Variants in PHACTR2 observed in about 807,000 individuals in gnomAD.
The protein encoded by PHACTR2 is phosphatase and actin regulator 2, also known as chromosome 6 open reading frame 56.
In PHACTR2, 30 loss-of-function variants were observed where a neutral mutation model predicts 76.0. The ratio of observed to expected loss-of-function variants is 0.39; its 90% CI spans 0.30 to 0.54. The LOEUF is 0.54. Among genes scored for constraint, PHACTR2 ranks in the 20% least tolerant of loss-of-function variants. The pLI, the probability that PHACTR2 is intolerant of heterozygous loss-of-function variation, is 0.61. For missense variants in PHACTR2, 696 were observed against 781.1 expected (o/e 0.89, Z 1.30); for synonymous variants, 292 against 292.5 (o/e 1.00, Z 0.02).
chr6:143,798,373 A>G (rs1445774976), intron 11 of PHACTR2, among the ~76,000 whole-genome samples: 1 of 152,156 alleles, frequency 6.6e-6, no homozygotes, highest in Non-Finnish European at 1.5e-5. Context: ...CTCTCTTCCT[A>G]TTTGAATACC....
In PHACTR2 at chr6:143,757,819, C is replaced by T. The variant is rs1364370742; in HGVS notation, c.455-2582C>T. Among the ~76,000 whole-genome samples the T allele has an allele frequency of 6.6e-6, 1 of 152,184 alleles. No individual in the cohort carries two copies. Among genetic ancestry groups the T allele is most frequent in the African/African-American group, 2.4e-5 (1 of 41,436 alleles). On this transcript the variant is annotated intron_variant, in intron 4 of 12. Coordinates refer to ENST00000440869, the MANE Select transcript of PHACTR2 (RefSeq NM_001100164.2). This position sits in a 1 kb window ranked among gnomAD's most constrained non-coding sequence, Gnocchi z 4.2. ...TCAATAACTATTAGACAGTCAGTCC[C>T]ATTCGTTGAATAGACATAGTGTTTA...
At chr6:143,712,314 TAAGA>T in intron 2 of PHACTR2, 131 bp downstream of exon 2, 1 of 544,784 alleles carries the variant, frequency 1.8e-6, no homozygotes, top group Non-Finnish European at 2.9e-6. Flanking sequence ...TTCTTTATTT[TAAGA>T]ATAAAATAAG....
At chr6:143,675,108 A>G (rs946801226), upstream of PHACTR2, among the ~76,000 whole-genome samples, 1 of 152,214 alleles carries the variant, frequency 6.6e-6, no homozygotes, top group Non-Finnish European at 1.5e-5. This position sits in a 1 kb window ranked among gnomAD's most constrained non-coding sequence, Gnocchi z 4.9. Flanking sequence ...AAAACCTGAT[A>G]AGTACAACTT....
At chr6:143,560,745 C>T (rs1003854830) in intron 1 of PHACTR2, among the ~76,000 whole-genome samples, 10 of 152,110 alleles carry the variant, frequency 6.6e-5, no homozygotes, top group African/African-American at 2.4e-4. Flanking sequence ...CCAGTAGGTG[C>T]TCGCTGGGGA....
Position 143,823,798 on chromosome 6 carries a change from C to T in PHACTR2, c.*109C>T. 2 of 948,280 alleles carry T rather than the reference C, an allele frequency of 2.1e-6. No homozygotes were observed. Among genetic ancestry groups the T allele is most frequent in the Non-Finnish European group, 3.4e-6 (2 of 584,038 alleles). The allele number at this position is 948,280 out of a possible 1,614,324, so 58.7% of individuals were successfully genotyped here. A position where few individuals can be genotyped will look rare whatever the true frequency, so the allele number is the denominator to read the frequency against. The stretch of plus-strand genomic sequence containing the variant: ...TTTGAATGTGTGTGTTTCCGTTTAA[C>T]TTGTGGTGAAGGAAGTGTGTGACTC... On this transcript the variant is annotated 3_prime_UTR_variant, in exon 13 of 13. Transcript: ENST00000440869. The surrounding 1 kb of genome is among the most constrained non-coding windows in gnomAD (Gnocchi z 5.7).
intron 11 of PHACTR2, among the ~76,000 whole-genome samples, chr6:143,804,489 C>G (rs1467996856): frequency 1.3e-5 from 2 of 152,206 alleles, no homozygotes; most frequent in African/African-American, 4.8e-5. Context: ...GAGAGACAGA[C>G]TTCACCTCTT....
In PHACTR2 at chr6:143,782,120, T is replaced by C. The variant is rs1775445038; in HGVS notation, c.1646-1099T>C. 6.6e-6 allele frequency among the ~76,000 whole-genome samples: 1 copy of C among 152,164 alleles called. No individual in the cohort carries two copies. Among genetic ancestry groups the C allele is most frequent in the South Asian group, 2.1e-4 (1 of 4,832 alleles). On this transcript the variant is annotated intron_variant, in intron 9 of 12. Transcript: ENST00000440869. This position sits in a 1 kb window ranked among gnomAD's most constrained non-coding sequence, Gnocchi z 4.6. ...AAATAAATATATTTCATACCTGTCA[T>C]GGATTAAAAAAATTTTTTTTAATTG...
In PHACTR2 at chr6:143,539,975, G is replaced by A. The variant is rs1044900111; in HGVS notation, c.217+2768G>A. On this transcript the variant is annotated intron_variant, in intron 1 of 11. Coordinates refer to the PHACTR2 transcript ENST00000367584. This position sits in a 1 kb window ranked among gnomAD's most constrained non-coding sequence, Gnocchi z 4.3. ...GGCCATTAGATGACGCTAATGAGTA[G>A]CGAAGTTTGAGAACTGCTGTCCTGT... Among the ~76,000 whole-genome samples, 1 of 152,194 alleles carries A rather than the reference G, an allele frequency of 6.6e-6. No individual in the cohort carries two copies. The highest frequency in any genetic ancestry group is 1.5e-5 in the Non-Finnish European group (1 of 68,030).
rs1777481482 is a variant in PHACTR2 at position 143,684,941 on chromosome 6, T to C, written c.46+6732T>C. Among the ~76,000 whole-genome samples, 1 of 152,234 alleles carries C rather than the reference T, an allele frequency of 6.6e-6. No individual in the cohort carries two copies. Among genetic ancestry groups the C allele is most frequent in the Admixed American group, 6.5e-5 (1 of 15,282 alleles). On this transcript the variant is annotated intron_variant, in intron 1 of 12. Transcript: ENST00000440869. The surrounding 1 kb of genome is among the most constrained non-coding windows in gnomAD (Gnocchi z 4.3). ...GTGATGTAGGACATTTATATTTCTT[T>C]TTCTTTGAATTGCCTATTTATAGAC...
At chr6:143,552,043 C>T (rs138649608) in intron 1 of PHACTR2, among the ~76,000 whole-genome samples, 1 of 152,290 alleles carries the variant, frequency 6.6e-6, no homozygotes, top group East Asian at 1.9e-4. Context: ...AGACTGTCTC[C>T]CTCTCTTCGA....
Position 143,753,445 on chromosome 6 carries a change from T to G in PHACTR2, c.296-309T>G, listed in dbSNP as rs757288671. Among the ~76,000 whole-genome samples, 6 of 152,178 alleles carry G rather than the reference T, an allele frequency of 3.9e-5. No homozygotes were observed. The highest frequency in any genetic ancestry group is 9.7e-5 in the African/African-American group (4 of 41,426). On this transcript the variant is annotated intron_variant, in intron 3 of 12. Transcript: ENST00000440869. The surrounding 1 kb of genome is among the most constrained non-coding windows in gnomAD (Gnocchi z 4.6). ...TGTTTCTGAATGACAAAGAAACACA[T>G]AACTATTGACTTCAGACAAACCTAA...
At chr6:143,620,247 C>T (rs1216766005) in intron 1 of PHACTR2, among the ~76,000 whole-genome samples, 1 of 152,130 alleles carries the variant, frequency 6.6e-6, no homozygotes, top group Non-Finnish European at 1.5e-5. Context: ...CCTAATGCTC[C>T]ATAAACAAAG....
In PHACTR2 at chr6:143,664,914, T is replaced by G. The variant is rs1223230307; in HGVS notation, c.14-47102T>G. Among the ~76,000 whole-genome samples the G allele has an allele frequency of 6.6e-6, 1 of 152,160 alleles. No homozygotes were observed. Among genetic ancestry groups the G allele is most frequent in the Non-Finnish European group, 1.5e-5 (1 of 68,018 alleles). ...CCCTGGTTCAAGTGATTCCCCTGAC[T>G]CGGCCTCCCAAGTAGCTGGCATTAC... On this transcript the variant is annotated intron_variant, in intron 1 of 11. Coordinates refer to the PHACTR2 transcript ENST00000305766. The surrounding 1 kb of genome is among the most constrained non-coding windows in gnomAD (Gnocchi z 5.1).
At position 143,598,650 on chromosome 6, in the gene PHACTR2, C is replaced by G. The variant is rs371189334; in HGVS notation, c.217+61443C>G. Among the ~76,000 whole-genome samples the G allele has an allele frequency of 6.6e-6, 1 of 152,320 alleles. No homozygotes were observed. The highest frequency in any genetic ancestry group is 1.9e-4 in the East Asian group (1 of 5,190). Reference sequence around the variant, plus strand: ...CTCTAAGAACAACCACATGGCTTCCCCTTCCTGGCCTATGTCCCTGTGGAT... The same window carrying G: ...CTCTAAGAACAACCACATGGCTTCCGCTTCCTGGCCTATGTCCCTGTGGAT... On this transcript the variant is annotated intron_variant, in intron 1 of 11. Coordinates refer to the PHACTR2 transcript ENST00000367584. This position sits in a 1 kb window ranked among gnomAD's most constrained non-coding sequence, Gnocchi z 4.1.
At chr6:143,628,924 G>GATATAT (rs71024862) in intron 1 of PHACTR2, among the ~76,000 whole-genome samples, 41 of 34,010 alleles carry the variant, frequency 1.2e-3, no homozygotes, top group Admixed American at 1.7e-3. Context: ...AAATGCAGGA[G>GATATAT]ATATATATAT....
At chr6:143,788,471 C>T (rs926741051) in intron 10 of PHACTR2, among the ~76,000 whole-genome samples, 1 of 152,138 alleles carries the variant, frequency 6.6e-6, no homozygotes, top group African/African-American at 2.4e-5. Context: ...ATGTTCCTTG[C>T]GTCAGGGATG....
chr6:143,796,372 CTTTTT>C (rs1775820133), intron 11 of PHACTR2, among the ~76,000 whole-genome samples: 1 of 139,062 alleles, frequency 7.2e-6, no homozygotes, highest in Non-Finnish European at 1.6e-5. Context: ...TCTGCATTTT[CTTTTT>C]CTTTTCTTTC....
rs745838908 is a variant in PHACTR2, at chr6:143,828,173, G to GAATAA, written c.*4499_*4503dup. The GAATAA allele has an allele frequency of 5.3e-5, 8 of 151,842 alleles. No individual in the cohort carries two copies. Among genetic ancestry groups the GAATAA allele is most frequent in the Non-Finnish European group, 7.4e-5 (5 of 67,992 alleles). The allele number at this position is 151,842 out of a possible 1,614,324, so 9.4% of individuals were successfully genotyped here. ...TCAAAATAATAATAATAGTAATAAT[G>GAATAA]AATAAAATAAAATAAAATATGTCCT... On this transcript the variant is annotated 3_prime_UTR_variant, in exon 13 of 13. Coordinates refer to ENST00000440869, the MANE Select transcript of PHACTR2 (RefSeq NM_001100164.2). This position sits in a 1 kb window ranked among gnomAD's most constrained non-coding sequence, Gnocchi z 4.7.
At position 143,738,241 on chromosome 6, in the gene PHACTR2, C is replaced by T. The variant is rs1004335011; in HGVS notation, c.215-10744C>T. On this transcript the variant is annotated intron_variant, in intron 2 of 12. Coordinates refer to ENST00000440869, the MANE Select transcript of PHACTR2 (RefSeq NM_001100164.2). The surrounding 1 kb of genome is among the most constrained non-coding windows in gnomAD (Gnocchi z 4.0). ...TGGGGGGCGCCTGTAATCCCAGCTA[C>T]TCAGGAGGCTGAGGCAGGAGAATCG... is the stretch of plus-strand genomic sequence containing the variant. 1.3e-5 allele frequency among the ~76,000 whole-genome samples: 2 copies of T among 152,108 alleles called. No homozygotes were observed. The highest frequency in any genetic ancestry group is 2.9e-5 in the Non-Finnish European group (2 of 68,034).
Sources: gnomAD v4.1 joint callset for allele counts (sites outside exome capture counted in the v4.1 genomes callset) on GRCh38, gnomAD v4.1.1 for gene constraint, Gnocchi (gnomAD v3.1) non-coding constraint, MANE v1.5 for transcripts, NCBI Gene and HGNC (gene_info 2026-07-23, HGNC 2026-07-21) for gene names.